Variants in ARHGAP20 observed in about 807,000 individuals in gnomAD.
ARHGAP20 encodes the protein rho GTPase-activating protein 20.
In ARHGAP20, 34 loss-of-function variants were observed where a neutral mutation model predicts 73.7. The observed-to-expected ratio is 0.46, with a 90% CI of 0.35 to 0.61. The LOEUF is 0.61. ARHGAP20 is among the 20% of genes least tolerant of loss of function. ARHGAP20 has a pLI of 0.00. For missense variants in ARHGAP20, 1,314 were observed against 1,420.9 expected, an observed-to-expected ratio of 0.92 and a Z score of 1.21; for synonymous variants, 523 against 518.2, an observed-to-expected ratio of 1.01 and a Z score of -0.13.
chr11:110,682,461 T>C (rs917399014), intron 2 of ARHGAP20, among the ~76,000 whole-genome samples: 1 of 152,148 alleles, frequency 6.6e-6, no homozygotes, highest in Non-Finnish European at 1.5e-5. Flanking sequence ...CCTGGCAATT[T>C]GGTTTCAGAG....
At position 110,578,180 on chromosome 11, in the gene ARHGAP20, C is replaced by T; in HGVS notation, c.*1190G>A. 1 of 985,374 alleles carries T rather than the reference C, an allele frequency of 1.0e-6. No individual in the cohort carries two copies. The highest frequency in any genetic ancestry group is 1.2e-6 in the Non-Finnish European group (1 of 829,932). 61.0% of individuals were successfully genotyped at this position (985,374 alleles called of 1,614,324 possible). A position where few individuals can be genotyped will look rare whatever the true frequency, so the allele number is the denominator to read the frequency against. On this transcript the variant is annotated 3_prime_UTR_variant, in exon 15 of 15. Transcript: ENST00000683387. Reference sequence around the variant, plus strand: ...AAAGGTCCATGGATATAAAATAAACCAATGGGGTATAAGCCATGAAACATT... The same window carrying T: ...AAAGGTCCATGGATATAAAATAAACTAATGGGGTATAAGCCATGAAACATT...
chr11:110,606,469 G>GA lies in ARHGAP20; in HGVS notation c.964+91dup, dbSNP rs368655713. On this transcript the variant is annotated intron_variant, in intron 9 of 14. Transcript: ENST00000683387. ...TTTCAAAATACTTAGCAAATTCCAA[G>GA]AAAAAATACCTCATCTGGCGGGAGG... 329 of 1,354,774 alleles carry GA rather than the reference G, an allele frequency of 2.4e-4. 2 individuals are homozygous for GA. The African/African-American group carries it at 4.6e-3, about 19-fold the overall frequency. The allele number at this position is 1,354,774 out of a possible 1,614,324, so 83.9% of individuals were successfully genotyped here. A position where few individuals can be genotyped will look rare whatever the true frequency, so the allele number is the denominator to read the frequency against.
intron 1 of ARHGAP20, among the ~76,000 whole-genome samples, chr11:110,699,702 G>A (rs1444027546): frequency 6.6e-6 from 1 of 151,822 alleles, no homozygotes; most frequent in African/African-American, 2.4e-5. Context: ...TCTGATATGA[G>A]GATGGCTACT....
Position 110,609,016 on chromosome 11 carries a change from G to C in ARHGAP20, c.743C>G (p.Ser248Cys). 1 of 1,613,526 alleles carries C rather than the reference G, an allele frequency of 6.2e-7. No homozygotes were observed. The change falls in exon 8 of 15, where the codon TCT becomes TGT. Residue 248 changes from serine (S) to cysteine (C), a missense_variant. Coordinates refer to ENST00000683387, the MANE Select transcript of ARHGAP20 (RefSeq NM_001384657.1). ...TGGGTATGGAGCCTCTTCTTTGCCA[G>C]AATTGACCCACAACTGGTAATCTCT... The part of the protein sequence containing the change: ...SERDYQLWVN[S>C]GKEEAPYPLI...
At chr11:110,627,080 C>T (rs1948760116) in intron 3 of ARHGAP20, among the ~76,000 whole-genome samples, 1 of 148,942 alleles carries the variant, frequency 6.7e-6, no homozygotes, top group Non-Finnish European at 1.5e-5. Flanking sequence ...CTGAACAAAA[C>T]CCCCTAAAAA....
intron 2 of ARHGAP20, among the ~76,000 whole-genome samples, chr11:110,683,070 T>G (rs760290404): frequency 6.6e-6 from 1 of 152,112 alleles, no homozygotes; most frequent in African/African-American, 2.4e-5. Flanking sequence ...GAGATGGAGA[T>G]AGACAAATGA....
At chr11:110,656,101 T>C (rs1165030128) in intron 2 of ARHGAP20, among the ~76,000 whole-genome samples, 1 of 152,174 alleles carries the variant, frequency 6.6e-6, no homozygotes, top group Non-Finnish European at 1.5e-5. Flanking sequence ...TTCTCACTGT[T>C]GATGCTCTCT....
At chr11:110,692,176 T>C (rs11213539) in intron 1 of ARHGAP20, among the ~76,000 whole-genome samples, 9,877 of 152,174 alleles carry the variant, frequency 0.065, 454 homozygotes, top group Middle Eastern at 0.25. Context: ...CTAATATCCT[T>C]AGGCTAGTGT....
At chr11:110,698,780 C>T (rs537475676) in intron 1 of ARHGAP20, among the ~76,000 whole-genome samples, 8 of 151,826 alleles carry the variant, frequency 5.3e-5, no homozygotes, top group Admixed American at 1.3e-4. Flanking sequence ...TTATCATTTC[C>T]GGTTGTACTT....
chr11:110,681,150 T>C (rs777050546), intron 2 of ARHGAP20, among the ~76,000 whole-genome samples: 13 of 152,208 alleles, frequency 8.5e-5, no homozygotes, highest in Non-Finnish European at 1.3e-4. Context: ...GTAGAGCCAA[T>C]TGGCATGTTA....
At chr11:110,635,677 C>T (rs1280368494) in intron 2 of ARHGAP20, among the ~76,000 whole-genome samples, 1 of 151,310 alleles carries the variant, frequency 6.6e-6, no homozygotes, top group East Asian at 1.9e-4. Context: ...AATGATAAGG[C>T]AAGTATATAA....
intron 2 of ARHGAP20, among the ~76,000 whole-genome samples, chr11:110,635,826 A>T (rs1948955994): frequency 6.6e-6 from 1 of 151,992 alleles, no homozygotes; most frequent in Admixed American, 6.6e-5. Context: ...CTTCTGGGGG[A>T]GTTGAAGAAG....
chr11:110,691,477 C>G (rs1420816727), intron 1 of ARHGAP20, among the ~76,000 whole-genome samples: 1 of 152,104 alleles, frequency 6.6e-6, no homozygotes, highest in East Asian at 1.9e-4. Context: ...TGTATCCTCG[C>G]CAAAGGTGTT....
At chr11:110,639,810 T>C (rs1213269990) in intron 2 of ARHGAP20, among the ~76,000 whole-genome samples, 3 of 152,102 alleles carry the variant, frequency 2.0e-5, no homozygotes, top group African/African-American at 7.2e-5. Context: ...TGAACGGCTA[T>C]AGCACATTTG....
At chr11:110,691,936 A>C (rs946026198) in intron 1 of ARHGAP20, among the ~76,000 whole-genome samples, 8 of 152,306 alleles carry the variant, frequency 5.3e-5, no homozygotes, top group African/African-American at 1.9e-4. Context: ...GGGAGTTATT[A>C]ACCACAAATC....
chr11:110,597,087 C>CA (rs1947984102), intron 9 of ARHGAP20, among the ~76,000 whole-genome samples: 1 of 139,102 alleles, frequency 7.2e-6, no homozygotes, highest in Admixed American at 8.2e-5. Flanking sequence ...GGGAATTGAA[C>CA]AATGAGAACA....
At chr11:110,660,290 C>G (rs1385405552) in intron 2 of ARHGAP20, among the ~76,000 whole-genome samples, 3 of 152,076 alleles carry the variant, frequency 2.0e-5, no homozygotes, top group African/African-American at 7.2e-5. Flanking sequence ...CCCTAGGAAG[C>G]TTTTGTTTTC....
At chr11:110,650,764 C>T in intron 2 of ARHGAP20, among the ~76,000 whole-genome samples, 1 of 152,088 alleles carries the variant, frequency 6.6e-6, no homozygotes, top group East Asian at 1.9e-4. Context: ...AAGTTAAAAG[C>T]TGTTAGAAAT....
At chr11:110,695,659 A>C (rs929607925) in intron 1 of ARHGAP20, among the ~76,000 whole-genome samples, 4 of 151,576 alleles carry the variant, frequency 2.6e-5, no homozygotes, top group African/African-American at 9.7e-5. Flanking sequence ...GGACGACTAT[A>C]ATAAAAAAAG....
Sources: allele counts gnomAD v4.1 joint callset (sites outside exome capture counted in the v4.1 genomes callset), GRCh38; gene constraint gnomAD v4.1.1; transcripts MANE v1.5; gene names NCBI Gene and HGNC (gene_info 2026-07-23, HGNC 2026-07-21).